Variants in COL9A1 observed in about 807,000 individuals in gnomAD.
The protein encoded by COL9A1 is collagen alpha-1(IX) chain.
A neutral mutation model predicts 142.6 loss-of-function variants in COL9A1; 104 were observed. The ratio of observed to expected loss-of-function variants is 0.73; its 90% CI spans 0.62 to 0.86. The LOEUF is 0.86. Among genes scored for constraint, COL9A1 ranks in the 40% least tolerant of loss-of-function variants. The pLI, the probability that COL9A1 is intolerant of heterozygous loss-of-function variation, is 0.00. For synonymous variants in COL9A1, 466 were observed against 396.0 expected (o/e 1.18, Z -2.10); for missense variants, 1,210 against 1,176.6 (o/e 1.03, Z -0.42).
rs148955808 is a variant in COL9A1 at position 70,268,429 on chromosome 6, G to T, written c.1287+375C>A. Among the ~76,000 whole-genome samples the T allele has an allele frequency of 9.9e-5, 15 of 152,134 alleles. No homozygotes were observed. The East Asian group carries it at 2.9e-3, about 29-fold the overall frequency. The stretch of plus-strand genomic sequence containing the variant: ...GGGGTCTCCCTCTGTTGTCCAGGTT[G>T]GTCTCAAACTCCTGGGTTTAAGCAA... On this transcript the variant is annotated intron_variant, in intron 17 of 37. Coordinates refer to ENST00000357250, the MANE Select transcript of COL9A1 (RefSeq NM_001851.6).
rs374720909 is a variant in COL9A1, at chr6:70,300,179, T to C, written c.167-4A>G. ...AACTGAGAGATCAGATCAAACCCTATAGAATGGGAATACAAAATGAAAAGT... is the reference window on the plus strand; with the variant it reads ...AACTGAGAGATCAGATCAAACCCTACAGAATGGGAATACAAAATGAAAAGT... On this transcript the variant is annotated splice_polypyrimidine_tract_variant and splice_region_variant and intron_variant, in intron 3 of 37. Transcript: ENST00000357250. 3.9e-5 allele frequency: 63 copies of C among 1,613,570 alleles called. No individual in the cohort carries two copies. Among genetic ancestry groups the C allele is most frequent in the Non-Finnish European group, 5.0e-5 (59 of 1,179,870 alleles).
chr6:70,240,932 A>T lies in COL9A1; in HGVS notation c.2035-199T>A, dbSNP rs183922524. ...GAAAATAGCGGAGAGGAAAGCCAGA[A>T]GGTGAGGCTGAGTTTCAGCTAGAAT... On this transcript the variant is annotated intron_variant, in intron 31 of 37. Coordinates refer to ENST00000357250, the MANE Select transcript of COL9A1 (RefSeq NM_001851.6). Among the ~76,000 whole-genome samples, 58 of 152,288 alleles carry T rather than the reference A, an allele frequency of 3.8e-4. No individual in the cohort carries two copies. In the East Asian group the frequency reaches 0.011, roughly 28 times the overall value.
chr6:70,250,105 A>G (rs1044023827), intron 28 of COL9A1, among the ~76,000 whole-genome samples: 1 of 151,456 alleles, frequency 6.6e-6, no homozygotes, highest in Admixed American at 6.6e-5. Flanking sequence ...TATAAAAAAT[A>G]CAACAATTAG....
rs111965774 is a variant in COL9A1, at chr6:70,281,502, C to A, written c.802-38G>T. The A allele has an allele frequency of 1.2e-4, 188 of 1,559,760 alleles. No homozygotes were observed. The African/African-American group carries it at 1.4e-3, about 12-fold the overall frequency. On this transcript the variant is annotated intron_variant, in intron 7 of 37. Coordinates refer to ENST00000357250, the MANE Select transcript of COL9A1 (RefSeq NM_001851.6). Reference sequence around the variant, plus strand: ...GCAGACATAGGTTAGTGGAGCACATCGGGCAACAGGGAGCAACTGAGCGCG... The same window carrying A: ...GCAGACATAGGTTAGTGGAGCACATAGGGCAACAGGGAGCAACTGAGCGCG...
intron 16 of COL9A1, among the ~76,000 whole-genome samples, chr6:70,269,151 C>T (rs1461060028): frequency 1.3e-5 from 2 of 152,116 alleles, no homozygotes; most frequent in African/African-American, 4.8e-5. Context: ...TATTTCAAAT[C>T]TAATTTATTA....
chr6:70,250,104 T>C (rs571223313), intron 28 of COL9A1, among the ~76,000 whole-genome samples: 3 of 151,252 alleles, frequency 2.0e-5, no homozygotes, highest in African/African-American at 4.8e-5. Context: ...CTATAAAAAA[T>C]ACAACAATTA....
chr6:70,281,758 G>A (rs1773182164), intron 7 of COL9A1, among the ~76,000 whole-genome samples: 1 of 152,110 alleles, frequency 6.6e-6, no homozygotes, highest in Admixed American at 6.5e-5. Flanking sequence ...AGGAGTTGTG[G>A]AAAAGGAAGG....
chr6:70,234,126 T>C (rs942836448), intron 35 of COL9A1, among the ~76,000 whole-genome samples: 1 of 152,204 alleles, frequency 6.6e-6, no homozygotes, highest in Non-Finnish European at 1.5e-5. Context: ...GTCTGTCATT[T>C]ACTTCTCACA....
chr6:70,272,089 C>G lies in COL9A1; in HGVS notation c.1066-1G>C, dbSNP rs772239348. 1 of 1,611,006 alleles carries G rather than the reference C, an allele frequency of 6.2e-7. No individual in the cohort carries two copies. The highest frequency in any genetic ancestry group is 8.5e-7 in the Non-Finnish European group (1 of 1,177,846). The stretch of plus-strand genomic sequence containing the variant: ...CAGGGGGTCCAGGAATACCACGGCC[C>G]TAAAAGAGTACAATAAAAATGGTTA... On this transcript the variant is annotated splice_acceptor_variant, in intron 12 of 37. Transcript: ENST00000357250. LOFTEE classifies it high-confidence loss of function.
chr6:70,217,367 C>T (rs918483124), intron 37 of COL9A1, among the ~76,000 whole-genome samples: 2 of 152,146 alleles, frequency 1.3e-5, no homozygotes, highest in Non-Finnish European at 2.9e-5. Context: ...CCTCCAGCCA[C>T]AGGTGCCTAT....
chr6:70,255,270 G>C, intron 22 of COL9A1, 67 bp from the exon 23 acceptor site: 1 of 1,609,462 alleles, frequency 6.2e-7, no homozygotes, highest in Non-Finnish European at 8.5e-7. Context: ...ACTTGTCAAA[G>C]AGATCAGCAT....
rs926351778 is a variant in COL9A1, at chr6:70,254,907, A to G, written c.1665+56T>C. 1.9e-5 allele frequency: 28 copies of G among 1,496,226 alleles called. No homozygotes were observed. In the Admixed American group the frequency reaches 4.4e-4, roughly 23 times the overall value. 92.7% of individuals were successfully genotyped at this position (1,496,226 alleles called of 1,614,324 possible). On this transcript the variant is annotated intron_variant, in intron 24 of 37. Transcript: ENST00000357250. ...ATTTAGTAATGGAAATGCCACACTC[A>G]GTTGGCCAGGGCAGAGACAGCCCCA... is the stretch of plus-strand genomic sequence containing the variant.
At chr6:70,239,308 A>T (rs756434503) in intron 32 of COL9A1, 22 bp from the exon 33 acceptor site, 8 of 1,464,404 alleles carry the variant, frequency 5.5e-6, no homozygotes, top group African/African-American at 4.2e-5. Flanking sequence ...AAAGAAATTT[A>T]TGTTAGAACA....
intron 10 of COL9A1, among the ~76,000 whole-genome samples, chr6:70,279,204 C>A (rs567701858): frequency 5.0e-4 from 76 of 152,164 alleles, no homozygotes; most frequent in African/African-American, 1.5e-3. Context: ...TGTTCAGTAG[C>A]CTTGAATTTG....
chr6:70,270,131 T>C (rs1772298276), intron 15 of COL9A1, among the ~76,000 whole-genome samples, 183 bp downstream of exon 15: 2 of 152,212 alleles, frequency 1.3e-5, no homozygotes, highest in African/African-American at 2.4e-5. Flanking sequence ...TTTTAAATTA[T>C]TGTGATTCTT....
chr6:70,291,111 C>A (rs9294862), intron 5 of COL9A1, among the ~76,000 whole-genome samples: 24,085 of 151,886 alleles, frequency 0.16, 2,678 homozygotes, highest in East Asian at 0.46. Flanking sequence ...GGTGAGAATT[C>A]TAAGAAAATA....
At chr6:70,249,191 T>G (rs551246236) in intron 28 of COL9A1, among the ~76,000 whole-genome samples, 1 of 151,644 alleles carries the variant, frequency 6.6e-6, no homozygotes, top group South Asian at 2.1e-4. Flanking sequence ...GATTTTTAAA[T>G]GGGGAGAAGT....
intron 24 of COL9A1, 38 bp downstream of exon 24, chr6:70,254,925 C>G (rs747816363): frequency 2.5e-6 from 4 of 1,593,018 alleles, no homozygotes; most frequent in Admixed American, 1.7e-5. Flanking sequence ...AGGGCAGAGA[C>G]AGCCCCACTC....
Position 70,242,648 on chromosome 6 carries a change from A to C in COL9A1, c.1926+14T>G, listed in dbSNP as rs2127566590. The stretch of plus-strand genomic sequence containing the variant: ...GTTTCGTAGAAGGCAAATAAACGAA[A>C]CTTTTCTACTTACCAGTTTACCTGG... On this transcript the variant is annotated intron_variant, in intron 29 of 37. Transcript: ENST00000357250. 1.2e-6 allele frequency: 2 copies of C among 1,613,056 alleles called. No homozygotes were observed. Among genetic ancestry groups the C allele is most frequent in the Non-Finnish European group, 1.7e-6 (2 of 1,179,042 alleles).
Sources: gnomAD v4.1 joint callset for allele counts (sites outside exome capture counted in the v4.1 genomes callset) on GRCh38, gnomAD v4.1.1 for gene constraint, MANE v1.5 for transcripts, NCBI Gene and HGNC (gene_info 2026-07-23, HGNC 2026-07-21) for gene names.